WWOX: variants seen among roughly 807,000 people sequenced by gnomAD.
The protein encoded by WWOX is WW domain-containing oxidoreductase.
Under a neutral mutation model 46.2 loss-of-function variants are expected in WWOX, and 69 were observed. The ratio of observed to expected loss-of-function variants is 1.49; its 90% confidence interval spans 1.23 to 1.82. WWOX has a LOEUF of 1.82. WWOX is among the 40% of genes most tolerant of loss of function. The pLI is 0.00. For synonymous variants in WWOX, 359 were observed against 202.6 expected, an observed-to-expected ratio of 1.77 and a Z score of -6.56; for missense variants, 919 against 542.6, an observed-to-expected ratio of 1.69 and a Z score of -6.89.
intron 8 of WWOX, among the ~76,000 whole-genome samples, chr16:78,846,587 C>G (rs965892951): frequency 3.3e-5 from 5 of 152,074 alleles, no homozygotes; most frequent in East Asian, 3.9e-4. Flanking sequence ...CTTCGGCCAT[C>G]AAGTCAGAGG....
intron 8 of WWOX, among the ~76,000 whole-genome samples, chr16:79,126,949 T>C (rs1048669296): frequency 5.3e-5 from 8 of 152,078 alleles, no homozygotes; most frequent in African/African-American, 1.7e-4. Context: ...GTATCACAGT[T>C]GCCTAGAGAA....
At chr16:79,070,741 A>T (rs1246157532) in intron 8 of WWOX, among the ~76,000 whole-genome samples, 1 of 152,212 alleles carries the variant, frequency 6.6e-6, no homozygotes, top group Non-Finnish European at 1.5e-5. Flanking sequence ...AATTCAAATG[A>T]ATCAATGGAA....
At chr16:78,386,754 T>G in intron 5 of WWOX, 106 bp from the exon 6 acceptor site, 1 of 1,012,772 alleles carries the variant, frequency 9.9e-7, no homozygotes, top group Non-Finnish European at 1.5e-6. Context: ...CGTCTTATAT[T>G]AAACAGGGGA....
intron 8 of WWOX, among the ~76,000 whole-genome samples, chr16:78,548,472 G>C (rs2044099646): frequency 1.3e-5 from 2 of 152,166 alleles, no homozygotes; most frequent in African/African-American, 2.4e-5. Flanking sequence ...TTTAGGGGGA[G>C]ACATTTTTTT....
chr16:78,911,848 A>G (rs2045120413), intron 8 of WWOX, among the ~76,000 whole-genome samples: 1 of 152,106 alleles, frequency 6.6e-6, no homozygotes, highest in Non-Finnish European at 1.5e-5. Context: ...CCTGGGTGAC[A>G]GAGCAGGACT....
intron 8 of WWOX, among the ~76,000 whole-genome samples, chr16:78,998,024 G>A (rs2047023487): frequency 6.6e-6 from 1 of 152,062 alleles, no homozygotes; most frequent in Admixed American, 6.6e-5. Flanking sequence ...TTACAGGCAT[G>A]CGCCACCATA....
At chr16:78,406,597 C>T (rs543846938) in intron 6 of WWOX, among the ~76,000 whole-genome samples, 1 of 150,380 alleles carries the variant, frequency 6.6e-6, no homozygotes, top group South Asian at 2.1e-4. Flanking sequence ...GATCCGCCTG[C>T]CTTGGCCTTC....
intron 8 of WWOX, chr16:78,526,241 G>C (rs1205351417): frequency 6.6e-6 from 1 of 152,308 alleles, no homozygotes; most frequent in Non-Finnish European, 1.5e-5. Flanking sequence ...GACGCCGGAG[G>C]CCACTCCTAA....
Position 78,650,323 on chromosome 16 carries a change from G to C in WWOX, c.1056+217571G>C, listed in dbSNP as rs1315307827. Among the ~76,000 whole-genome samples the C allele has an allele frequency of 5.3e-5, 8 of 152,190 alleles. No individual in the cohort carries two copies. In the East Asian group the frequency reaches 7.7e-4, roughly 15 times the overall value. On this transcript the variant is annotated intron_variant, in intron 8 of 8. Coordinates refer to ENST00000566780, the MANE Select transcript of WWOX (RefSeq NM_016373.4). ...TTGTCTTTCAGAATAACATACTGCT[G>C]TCTGTAAAAATACAGATAATTTCTC...
intron 8 of WWOX, among the ~76,000 whole-genome samples, chr16:78,694,843 ATTCTGCT>A (rs970662213): frequency 6.0e-5 from 9 of 150,936 alleles, no homozygotes; most frequent in Non-Finnish European, 1.2e-4. Context: ...TTTCCGCTGC[ATTCTGCT>A]ATGTATCTTT....
chr16:78,876,306 C>T (rs1221819515), intron 8 of WWOX, among the ~76,000 whole-genome samples: 1 of 151,650 alleles, frequency 6.6e-6, no homozygotes, highest in Non-Finnish European at 1.5e-5. Flanking sequence ...TAAGTGATGG[C>T]TGCTTATGGC....
chr16:79,111,760 A>G (rs1430690914), intron 8 of WWOX, among the ~76,000 whole-genome samples: 1 of 152,174 alleles, frequency 6.6e-6, no homozygotes, highest in Non-Finnish European at 1.5e-5. Context: ...ATCATATTAG[A>G]ATTTCATCCA....
At position 78,379,808 on chromosome 16, in the gene WWOX, G is replaced by C. The variant is rs557405829; in HGVS notation, c.517-7052G>C. 3.3e-5 allele frequency among the ~76,000 whole-genome samples: 5 copies of C among 152,286 alleles called. No individual in the cohort carries two copies. The East Asian group carries it at 9.7e-4, about 29-fold the overall frequency. On this transcript the variant is annotated intron_variant, in intron 5 of 8. Transcript: ENST00000566780. ...ATTTGTGGTTTTGAAAACTAGGTTT[G>C]ATCACTGGAATTATTCCTGTCCTAT...
chr16:78,806,170 A>T (rs2142682335), intron 8 of WWOX, among the ~76,000 whole-genome samples: 1 of 152,282 alleles, frequency 6.6e-6, no homozygotes, highest in Middle Eastern at 3.4e-3. Flanking sequence ...CTGATATAAT[A>T]AGGCTTCCAA....
intron 5 of WWOX, among the ~76,000 whole-genome samples, chr16:78,206,789 C>A (rs1442312276): frequency 6.6e-6 from 1 of 152,108 alleles, no homozygotes; most frequent in Non-Finnish European, 1.5e-5. Context: ...ATTAGTCAGA[C>A]AACTGCAATA....
chr16:78,724,270 C>G (rs905283788), intron 8 of WWOX, among the ~76,000 whole-genome samples: 2 of 152,126 alleles, frequency 1.3e-5, no homozygotes, highest in Non-Finnish European at 2.9e-5. Flanking sequence ...ATGAAAAAAG[C>G]CCCATTTGGT....
intron 8 of WWOX, among the ~76,000 whole-genome samples, chr16:78,706,327 G>A (rs1182780128): frequency 6.6e-6 from 1 of 151,928 alleles, no homozygotes; most frequent in African/African-American, 2.4e-5. Flanking sequence ...TCTTTCCAGA[G>A]CCAGGCTAAA....
chr16:78,863,602 C>A (rs1198261081), intron 8 of WWOX, among the ~76,000 whole-genome samples: 1 of 152,296 alleles, frequency 6.6e-6, no homozygotes, highest in Middle Eastern at 3.4e-3. Context: ...AATCTCCCAA[C>A]CATAAGCTGT....
rs111433265 is a variant in WWOX, at chr16:79,011,326, T to C, written c.1057-200282T>C. Among the ~76,000 whole-genome samples, 52 of 152,048 alleles carry C rather than the reference T, an allele frequency of 3.4e-4. 1 individual carries two copies. Among genetic ancestry groups the C allele is most frequent in the African/African-American group, 1.0e-3 (42 of 41,490 alleles). ...CACTATTACGTAGTATTATCTAATA[T>C]GCCCTCTACATTCAAATTTTCATGT... On this transcript the variant is annotated intron_variant, in intron 8 of 8. Coordinates refer to ENST00000566780, the MANE Select transcript of WWOX (RefSeq NM_016373.4).
Sources: gnomAD v4.1 joint callset for allele counts (sites outside exome capture counted in the v4.1 genomes callset) on GRCh38, gnomAD v4.1.1 for gene constraint, MANE v1.5 for transcripts, NCBI Gene and HGNC (gene_info 2026-07-23, HGNC 2026-07-21) for gene names.